SS18L1: variants seen among roughly 807,000 people sequenced by gnomAD.
SS18L1 encodes calcium-responsive transactivator.
A neutral mutation model predicts 70.3 loss-of-function variants in SS18L1; 32 were observed. The ratio of observed to expected loss-of-function variants is 0.46; its 90% confidence interval spans 0.34 to 0.61. The LOEUF (loss-of-function observed/expected upper bound fraction) is 0.61, where lower values mean the gene tolerates loss of function less well. Among genes scored for constraint, SS18L1 ranks in the 20% least tolerant of loss-of-function variants. SS18L1 has a pLI of 0.01. For missense variants in SS18L1, 430 were observed against 542.1 expected (o/e 0.79, Z 2.05); for synonymous variants, 237 against 229.7 (o/e 1.03, Z -0.29).
At chr20:62,144,010 C>G in intron 1 of SS18L1, 121 bp downstream of exon 1, 1 of 589,426 alleles carries the variant, frequency 1.7e-6, no homozygotes, top group Non-Finnish European at 2.1e-6. Context: ...GCCGGGCGGC[C>G]GCGAGCCCCG....
Position 62,161,311 on chromosome 20 carries a change from C to G in SS18L1, c.232-125C>G. ...TGTGACGATGGCTGCTGATTACGAA[C>G]ATTGACCAGGTGGCCATGATGTGTG... On this transcript the variant is annotated intron_variant, in intron 3 of 10. Transcript: ENST00000331758. This position sits in a 1 kb window ranked among gnomAD's most constrained non-coding sequence, Gnocchi z 4.4. The G allele has an allele frequency of 7.3e-7, 1 of 1,371,054 alleles. No individual in the cohort carries two copies. The highest frequency in any genetic ancestry group is 1.0e-6 in the Non-Finnish European group (1 of 972,838). The allele number at this position is 1,371,054 out of a possible 1,614,324, so 84.9% of individuals were successfully genotyped here.
chr20:62,178,037 T>TTA (rs1290772431), intron 10 of SS18L1, among the ~76,000 whole-genome samples: 3 of 144,930 alleles, frequency 2.1e-5, no homozygotes, highest in South Asian at 2.2e-4. Flanking sequence ...TTTTTTTTTT[T>TTA]AAGACAGGGT....
chr20:62,165,076 AG>A (rs770635552), intron 7 of SS18L1, among the ~76,000 whole-genome samples: 1 of 152,174 alleles, frequency 6.6e-6, no homozygotes, highest in Non-Finnish European at 1.5e-5. Context: ...GGCCTCGGTA[AG>A]GGTTGGACAC....
chr20:62,156,152 C>CG (rs1601005366), intron 1 of SS18L1, among the ~76,000 whole-genome samples: 1 of 152,196 alleles, frequency 6.6e-6, no homozygotes. Context: ...TTGCGCCCCC[C>CG]GGCCCATCCC....
intron 8 of SS18L1, among the ~76,000 whole-genome samples, chr20:62,166,123 A>G (rs2145755642): frequency 6.6e-6 from 1 of 152,294 alleles, no homozygotes; most frequent in African/African-American, 2.4e-5. Flanking sequence ...AGAACATCCC[A>G]GAATGTGGAG....
chr20:62,172,601 A>G (rs1397377004), intron 8 of SS18L1, 81 bp from the exon 9 acceptor site: 1 of 1,599,852 alleles, frequency 6.3e-7, no homozygotes, highest in African/African-American at 1.3e-5. Flanking sequence ...TTCCAAAGTT[A>G]CCGTGTCGTG....
At chr20:62,165,304 C>T (rs1436467118) in intron 7 of SS18L1, 118 bp from the exon 8 acceptor site, 8 of 963,844 alleles carry the variant, frequency 8.3e-6, no homozygotes, top group South Asian at 1.6e-5. Context: ...CGGGTCCTGC[C>T]GGCTCTTGTT....
chr20:62,172,985 G>C (rs555923778), intron 9 of SS18L1, among the ~76,000 whole-genome samples, 184 bp downstream of exon 9: 5 of 152,246 alleles, frequency 3.3e-5, no homozygotes, highest in Non-Finnish European at 7.3e-5. Context: ...ATGTGGGTAC[G>C]TGCCCGGTGA....
chr20:62,160,303 GGGGTGGGGTGGGGAGAGGT>G (rs2057302066), intron 3 of SS18L1, among the ~76,000 whole-genome samples: 1 of 89,616 alleles, frequency 1.1e-5, no homozygotes, highest in Non-Finnish European at 2.1e-5. Flanking sequence ...GGGGAGAGGT[GGGGTGGGGTGGGGAGAGGT>G]GGAGAGAGGT....
intron 1 of SS18L1, among the ~76,000 whole-genome samples, chr20:62,147,465 CG>C (rs2057052401): frequency 1.3e-5 from 2 of 152,150 alleles, no homozygotes; most frequent in Non-Finnish European, 2.9e-5. Context: ...GTGGTCACCT[CG>C]GACCATGTGG....
intron 9 of SS18L1, among the ~76,000 whole-genome samples, chr20:62,173,292 C>A (rs1018156171): frequency 6.6e-6 from 1 of 152,174 alleles, no homozygotes; most frequent in Admixed American, 6.6e-5. Flanking sequence ...TGCCCCAGGT[C>A]TTTTGTTGGA....
chr20:62,162,250 A>G (rs2057342716), intron 4 of SS18L1, among the ~76,000 whole-genome samples: 1 of 152,014 alleles, frequency 6.6e-6, no homozygotes. Flanking sequence ...CAAAATAACA[A>G]CAAATAAACG....
At chr20:62,151,540 G>A (rs995148901) in intron 1 of SS18L1, among the ~76,000 whole-genome samples, 2 of 152,298 alleles carry the variant, frequency 1.3e-5, no homozygotes, top group South Asian at 2.1e-4. Context: ...CGCAGAGAGG[G>A]AGTGGGAGGC....
chr20:62,154,382 C>T (rs2057185697), intron 1 of SS18L1: 1 of 1,050,046 alleles, frequency 9.5e-7, no homozygotes, highest in African/African-American at 1.7e-5. Flanking sequence ...CCCCTTCACG[C>T]CTGGTTGCGG....
chr20:62,156,299 TC>T (rs2057222348), intron 1 of SS18L1, among the ~76,000 whole-genome samples: 2 of 152,164 alleles, frequency 1.3e-5, no homozygotes, highest in Non-Finnish European at 2.9e-5. Context: ...AGTTGTCCCT[TC>T]CTGCAGTTCA....
intron 3 of SS18L1, among the ~76,000 whole-genome samples, chr20:62,160,195 AT>A (rs1228657036): frequency 7.3e-6 from 1 of 136,946 alleles, no homozygotes; most frequent in East Asian, 2.2e-4. Context: ...CAGCCTCGTT[AT>A]GTATTGAAGG....
In SS18L1 at chr20:62,179,260, C is replaced by T. The variant is rs779937495; in HGVS notation, c.*52C>T. On this transcript the variant is annotated 3_prime_UTR_variant, in exon 11 of 11. Coordinates refer to ENST00000331758, the MANE Select transcript of SS18L1 (RefSeq NM_198935.3). ...TGTGGTAGCGTGTTCATCCAGGGGC[C>T]GGATGGGCTGGCGGCAGCTCTGGTG... 8.7e-6 allele frequency: 14 copies of T among 1,606,264 alleles called. No homozygotes were observed. Among genetic ancestry groups the T allele is most frequent in the South Asian group, 3.3e-5 (3 of 90,910 alleles).
At chr20:62,156,138 T>A (rs1053226689) in intron 1 of SS18L1, among the ~76,000 whole-genome samples, 2 of 152,122 alleles carry the variant, frequency 1.3e-5, no homozygotes, top group Admixed American at 1.3e-4. Flanking sequence ...ATGAAGTCAG[T>A]GGCTTGCGCC....
At position 62,180,454 on chromosome 20, in the gene SS18L1, T is replaced by C. The variant is rs575724983; in HGVS notation, c.*1246T>C. The C allele has an allele frequency of 1.6e-5, 3 of 183,480 alleles. No individual in the cohort carries two copies. The East Asian group carries it at 2.7e-4, about 16-fold the overall frequency. 11.4% of individuals were successfully genotyped at this position (183,480 alleles called of 1,614,324 possible). On this transcript the variant is annotated 3_prime_UTR_variant, in exon 11 of 11. Transcript: ENST00000331758. ...CCTTTAGTTGGAATAATAATATTCATATTTGCTATGAATCCTTTTAAAAAA... is the reference window on the plus strand; with the variant it reads ...CCTTTAGTTGGAATAATAATATTCACATTTGCTATGAATCCTTTTAAAAAA...
Sources: allele counts gnomAD v4.1 joint callset (sites outside exome capture counted in the v4.1 genomes callset), GRCh38; gene constraint gnomAD v4.1.1; non-coding constraint Gnocchi (gnomAD v3.1); transcripts MANE v1.5; gene names NCBI Gene and HGNC (gene_info 2026-07-23, HGNC 2026-07-21).